Variants in ABCA13 observed in about 807,000 individuals in gnomAD.
ABCA13 encodes ATP binding cassette subfamily A member 13.
Under a neutral mutation model 478.7 loss-of-function variants are expected in ABCA13, and 476 were observed. The observed-to-expected ratio is 0.99, with a 90% CI of 0.92 to 1.07. The LOEUF is 1.07. Among genes scored for constraint, ABCA13 ranks in the 50% least tolerant of loss-of-function variants. ABCA13 has a pLI of 0.00. For missense variants in ABCA13, 6,060 were observed against 5,910.6 expected (o/e 1.03, Z -0.83); for synonymous variants, 2,252 against 2,158.9 (o/e 1.04, Z -1.20).
At chr7:48,515,911 G>A (rs999004463) in intron 51 of ABCA13, among the ~76,000 whole-genome samples, 2 of 152,152 alleles carry the variant, frequency 1.3e-5, no homozygotes, top group African/African-American at 4.8e-5. Flanking sequence ...TTTTGGAGAA[G>A]AGAGGTTGGA....
At chr7:48,564,801 A>G (rs1221331704) in intron 55 of ABCA13, among the ~76,000 whole-genome samples, 2 of 152,142 alleles carry the variant, frequency 1.3e-5, no homozygotes, top group East Asian at 3.8e-4. Context: ...GAATCTACAT[A>G]TATTTGGAAA....
intron 41 of ABCA13, among the ~76,000 whole-genome samples, chr7:48,418,969 G>C (rs914811943): frequency 6.6e-6 from 1 of 152,214 alleles, no homozygotes; most frequent in Non-Finnish European, 1.5e-5. Context: ...AGGAAACATA[G>C]CAGCATCTGC....
At chr7:48,392,357 T>G (rs1367863192) in intron 38 of ABCA13, among the ~76,000 whole-genome samples, 2 of 152,190 alleles carry the variant, frequency 1.3e-5, no homozygotes, top group African/African-American at 2.4e-5. Context: ...ATTTGATTTG[T>G]CTTTGAAATG....
intron 8 of ABCA13, among the ~76,000 whole-genome samples, chr7:48,237,947 GA>G (rs1014004134): frequency 1.4e-4 from 22 of 152,076 alleles, no homozygotes; most frequent in African/African-American, 4.3e-4. Context: ...TTAATTAAGG[GA>G]AAAAAATAGA....
At chr7:48,366,277 G>C (rs1811659289) in intron 31 of ABCA13, among the ~76,000 whole-genome samples, 1 of 151,668 alleles carries the variant, frequency 6.6e-6, no homozygotes, top group Non-Finnish European at 1.5e-5. Flanking sequence ...TCTTCCTTTA[G>C]ATACCTGTGT....
chr7:48,254,283 A>T (rs1562888549), intron 15 of ABCA13, among the ~76,000 whole-genome samples: 1 of 151,812 alleles, frequency 6.6e-6, no homozygotes, highest in Non-Finnish European at 1.5e-5. Context: ...TTCTTTTAAG[A>T]GGTAGAGTCT....
chr7:48,412,241 C>A, intron 40 of ABCA13, 112 bp from the exon 41 acceptor site: 3 of 760,482 alleles, frequency 3.9e-6, no homozygotes, highest in South Asian at 2.0e-5. Context: ...TTCATTTAAG[C>A]TTTGAAATGG....
intron 59 of ABCA13, among the ~76,000 whole-genome samples, chr7:48,631,946 T>G (rs186283144): frequency 4.9e-4 from 75 of 152,288 alleles, no homozygotes; most frequent in African/African-American, 1.7e-3. Context: ...GGGAATTGAG[T>G]TCTTGATTTG....
intron 7 of ABCA13, 45 bp downstream of exon 7, chr7:48,230,000 T>A: frequency 6.4e-7 from 1 of 1,570,142 alleles, no homozygotes; most frequent in Non-Finnish European, 8.7e-7. Context: ...AACGTTTAAC[T>A]ACTTAAATTC....
chr7:48,295,279 G>C (rs1799207751), intron 20 of ABCA13, among the ~76,000 whole-genome samples: 1 of 152,232 alleles, frequency 6.6e-6, no homozygotes, highest in Admixed American at 6.5e-5. Flanking sequence ...CTGATGATTA[G>C]TGAAATTGAG....
chr7:48,473,489 C>G (rs1827742304), intron 45 of ABCA13, among the ~76,000 whole-genome samples: 1 of 152,160 alleles, frequency 6.6e-6, no homozygotes, highest in Non-Finnish European at 1.5e-5. Flanking sequence ...AAAATAAATG[C>G]CGCTGAGGAC....
intron 58 of ABCA13, chr7:48,612,010 CTTA>C (rs1045231355): frequency 6.6e-6 from 1 of 152,172 alleles, no homozygotes; most frequent in African/African-American, 2.4e-5. Flanking sequence ...GAAACCTCAA[CTTA>C]CAGTGGCCCA....
intron 40 of ABCA13, among the ~76,000 whole-genome samples, chr7:48,411,374 C>A (rs1563210434): frequency 7.0e-6 from 1 of 142,456 alleles, no homozygotes; most frequent in Non-Finnish European, 1.5e-5. Flanking sequence ...AGTGGTACAA[C>A]CTCTGTTCAC....
intron 1 of ABCA13, among the ~76,000 whole-genome samples, chr7:48,172,611 C>T (rs1045557632): frequency 1.5e-4 from 23 of 151,502 alleles, no homozygotes; most frequent in African/African-American, 5.3e-4. Flanking sequence ...CTGGCTAACA[C>T]AGTGAAACCC....
intron 23 of ABCA13, among the ~76,000 whole-genome samples, chr7:48,308,114 G>GT (rs111880322): frequency 0.039 from 5,953 of 152,116 alleles, 357 homozygotes; most frequent in African/African-American, 0.14. Context: ...TCTATTTTAA[G>GT]TTTTTTTACT....
chr7:48,328,440 G>A (rs1182897840), intron 27 of ABCA13, among the ~76,000 whole-genome samples: 1 of 152,164 alleles, frequency 6.6e-6, no homozygotes, highest in Non-Finnish European at 1.5e-5. Flanking sequence ...GCCCAGAGTA[G>A]AAGTAATTAC....
At chr7:48,427,923 C>A in intron 42 of ABCA13, 52 bp downstream of exon 42, 1 of 1,211,374 alleles carries the variant, frequency 8.3e-7, no homozygotes, top group South Asian at 1.5e-5. Flanking sequence ...ATGACACCAG[C>A]CTTATTCAAC....
chr7:48,251,470 T>C (rs899893611), intron 15 of ABCA13, among the ~76,000 whole-genome samples: 4 of 152,210 alleles, frequency 2.6e-5, no homozygotes, highest in Admixed American at 2.6e-4. Context: ...CTAGCATAGG[T>C]CTCAAAAGTA....
chr7:48,459,003 G>C lies in ABCA13; in HGVS notation c.12815+3717G>C, dbSNP rs533509935. ...GTCTGGTCAGCCATTCATGACCCAG[G>C]CTTCTGACTCAGTTTTGTTCTGAAT... is the stretch of plus-strand genomic sequence containing the variant. On this transcript the variant is annotated intron_variant, in intron 43 of 61. Coordinates refer to ENST00000435803, the MANE Select transcript of ABCA13 (RefSeq NM_152701.5). Among the ~76,000 whole-genome samples the C allele has an allele frequency of 1.5e-4, 23 of 152,254 alleles. 1 individual carries two copies. In the South Asian group the frequency reaches 4.8e-3, roughly 32 times the overall value.
Sources: gnomAD v4.1 joint callset for allele counts (sites outside exome capture counted in the v4.1 genomes callset) on GRCh38, gnomAD v4.1.1 for gene constraint, MANE v1.5 for transcripts, NCBI Gene and HGNC (gene_info 2026-07-23, HGNC 2026-07-21) for gene names.